FSTL4: variants seen among roughly 807,000 people sequenced by gnomAD.
The protein encoded by FSTL4 is follistatin like 4, also known as follistatin-related protein 4.
FSTL4 carries 28 observed loss-of-function variants against 78.2 expected under a neutral mutation model. That is an observed-to-expected ratio of 0.36 (90% CI 0.27 to 0.49). FSTL4 has a LOEUF of 0.49. Among genes scored for constraint, FSTL4 ranks in the 20% least tolerant of loss-of-function variants. The pLI, the probability that FSTL4 is intolerant of heterozygous loss-of-function variation, is 0.98. For synonymous variants in FSTL4, 422 were observed against 440.5 expected (o/e 0.96, Z 0.53); for missense variants, 922 against 1,084.9 (o/e 0.85, Z 2.11).
chr5:133,645,955 C>T, the FSTL4 span, among the ~76,000 whole-genome samples: 2 of 152,140 alleles, frequency 1.3e-5, no homozygotes, highest in African/African-American at 4.8e-5. Flanking sequence ...ATGTCTGCTG[C>T]TTCAAGCCAC....
chr5:133,321,115 G>T (rs542458338), intron 4 of FSTL4, among the ~76,000 whole-genome samples: 1 of 152,030 alleles, frequency 6.6e-6, no homozygotes, highest in East Asian at 1.9e-4. Context: ...CACCTGCCCA[G>T]CAATTCCACA....
the FSTL4 span, among the ~76,000 whole-genome samples, chr5:133,762,458 A>G: frequency 3.9e-5 from 6 of 152,248 alleles, no homozygotes; most frequent in South Asian, 1.2e-3. Context: ...CAAATAATCA[A>G]CTTTTAGGAC....
the FSTL4 span, among the ~76,000 whole-genome samples, chr5:133,642,361 C>G: frequency 6.6e-6 from 1 of 152,178 alleles, no homozygotes. Flanking sequence ...CAGTGCAGTT[C>G]TGCAGTGTGG....
rs59400068 is a variant in FSTL4 at position 133,221,891 on chromosome 5, G to GTT, written c.1340-1027_1340-1026dup. ...AATATGTAGAAAAATCTCTTTTCTA[G>GTT]TTTTTTTTTTTTTTTTTTTTTTTTT... On this transcript the variant is annotated intron_variant, in intron 11 of 15. Coordinates refer to ENST00000265342, the MANE Select transcript of FSTL4 (RefSeq NM_015082.2). 3.8e-3 allele frequency among the ~76,000 whole-genome samples: 165 copies of GTT among 43,346 alleles called. 34 individuals carry two copies. Among genetic ancestry groups the GTT allele is most frequent in the Non-Finnish European group, 6.1e-3 (102 of 16,678 alleles). 28.4% of individuals were successfully genotyped at this position (43,346 alleles called of 152,430 possible).
At chr5:133,501,275 A>AT (rs1293820993) in intron 3 of FSTL4, among the ~76,000 whole-genome samples, 10 of 152,202 alleles carry the variant, frequency 6.6e-5, no homozygotes, top group African/African-American at 2.4e-4. Flanking sequence ...TTAAGAAAAA[A>AT]AAAAAATAAA....
At chr5:133,203,466 C>T (rs559059994) in intron 14 of FSTL4, among the ~76,000 whole-genome samples, 3 of 152,244 alleles carry the variant, frequency 2.0e-5, no homozygotes, top group East Asian at 3.9e-4. Context: ...TGTCTTTTTT[C>T]GTCTTGCTTT....
chr5:133,455,702 G>A (rs1320330563), intron 3 of FSTL4, among the ~76,000 whole-genome samples: 1 of 152,182 alleles, frequency 6.6e-6, no homozygotes, highest in African/African-American at 2.4e-5. Context: ...TATTCAAGGA[G>A]GCTTCAAGAG....
At chr5:133,493,926 T>C (rs966933805) in intron 3 of FSTL4, among the ~76,000 whole-genome samples, 1 of 152,228 alleles carries the variant, frequency 6.6e-6, no homozygotes, top group Non-Finnish European at 1.5e-5. Context: ...TATTTTCTTC[T>C]GAGACAGAAA....
the FSTL4 span, among the ~76,000 whole-genome samples, chr5:133,719,336 G>T: frequency 6.6e-6 from 1 of 151,920 alleles, no homozygotes; most frequent in African/African-American, 2.4e-5. Flanking sequence ...AATCTTTAAG[G>T]GGTCTACAGT....
At chr5:133,610,585 C>T (rs189012108) in intron 1 of FSTL4, among the ~76,000 whole-genome samples, 2 of 152,284 alleles carry the variant, frequency 1.3e-5, no homozygotes, top group Admixed American at 1.3e-4. Context: ...GCTCGTATGT[C>T]CGGCTTGAGC....
chr5:133,336,894 G>A (rs1016108439), intron 4 of FSTL4, among the ~76,000 whole-genome samples: 12 of 152,126 alleles, frequency 7.9e-5, no homozygotes, highest in East Asian at 3.9e-4. Context: ...TGTGTACCCC[G>A]GGGCAGGGGC....
intron 6 of FSTL4, among the ~76,000 whole-genome samples, chr5:133,259,114 G>A (rs963285624): frequency 1.3e-5 from 2 of 150,648 alleles, no homozygotes; most frequent in South Asian, 2.1e-4. Flanking sequence ...TAAGCATTAC[G>A]GATAGAAAGA....
At chr5:133,796,312 G>A in the FSTL4 span, among the ~76,000 whole-genome samples, 2 of 152,214 alleles carry the variant, frequency 1.3e-5, no homozygotes, top group African/African-American at 4.8e-5. Flanking sequence ...TGCCCTTTCA[G>A]CCTTGCTGTC....
intron 3 of FSTL4, among the ~76,000 whole-genome samples, chr5:133,418,190 T>C (rs554846317): frequency 6.9e-4 from 104 of 151,696 alleles, no homozygotes; most frequent in African/African-American, 2.2e-3. Context: ...AAATTATGAA[T>C]GTATAAATTC....
intron 3 of FSTL4, among the ~76,000 whole-genome samples, chr5:133,527,470 T>A (rs1256804051): frequency 8.3e-6 from 1 of 119,848 alleles, no homozygotes; most frequent in African/African-American, 2.9e-5. Flanking sequence ...GATGTGCACG[T>A]GTACACACAC....
At chr5:133,215,839 CTTGT>C (rs1449183064) in intron 13 of FSTL4, among the ~76,000 whole-genome samples, 1 of 152,198 alleles carries the variant, frequency 6.6e-6, no homozygotes, top group Non-Finnish European at 1.5e-5. Context: ...AATTCAGCAT[CTTGT>C]TTCAGTTCTC....
chr5:133,799,698 G>A, the FSTL4 span, among the ~76,000 whole-genome samples: 8 of 139,162 alleles, frequency 5.7e-5, 2 homozygotes, highest in Non-Finnish European at 1.1e-4. Context: ...CTCCCAGGCT[G>A]CAGCTGGTAA....
At chr5:133,414,530 A>G (rs1022705141) in intron 3 of FSTL4, among the ~76,000 whole-genome samples, 8 of 152,342 alleles carry the variant, frequency 5.3e-5, no homozygotes, top group Non-Finnish European at 1.0e-4. Flanking sequence ...CTCAAGGTAA[A>G]GTCAGTCTCA....
chr5:133,832,508 C>T, the FSTL4 span, among the ~76,000 whole-genome samples: 4 of 152,324 alleles, frequency 2.6e-5, no homozygotes, highest in Non-Finnish European at 4.4e-5. Flanking sequence ...CATTTATAGT[C>T]AATTATCTTT....
Sources: allele counts gnomAD v4.1 joint callset (sites outside exome capture counted in the v4.1 genomes callset), GRCh38; gene constraint gnomAD v4.1.1; transcripts MANE v1.5; gene names NCBI Gene and HGNC (gene_info 2026-07-23, HGNC 2026-07-21).